Variants in TSGA10 observed in about 807,000 individuals in gnomAD.
TSGA10 encodes testis specific 10.
A neutral mutation model predicts 96.6 loss-of-function variants in TSGA10; 43 were observed. The ratio of observed to expected loss-of-function variants is 0.44; its 90% CI spans 0.35 to 0.57. The LOEUF is 0.57. Ranked by LOEUF, TSGA10 falls within the 20% of genes least tolerant of loss-of-function variation. The pLI is 0.01. For missense variants in TSGA10, 703 were observed against 834.4 expected, an observed-to-expected ratio of 0.84 and a Z score of 1.94; for synonymous variants, 229 against 269.9, an observed-to-expected ratio of 0.85 and a Z score of 1.48.
intron 16 of TSGA10, among the ~76,000 whole-genome samples, chr2:99,046,768 A>T (rs1212580812): frequency 6.6e-6 from 1 of 152,214 alleles, no homozygotes; most frequent in East Asian, 1.9e-4. Context: ...CCTTCAAAAA[A>T]TCAATGAATC....
chr2:99,098,169 G>T (rs932852217), intron 10 of TSGA10, among the ~76,000 whole-genome samples: 1 of 152,062 alleles, frequency 6.6e-6, no homozygotes, highest in East Asian at 1.9e-4. Flanking sequence ...CGGGCACGGT[G>T]GCTCACACCT....
In TSGA10 at chr2:99,024,775, G is replaced by A. The variant is rs1044915090; in HGVS notation, c.1615-4293C>T. On this transcript the variant is annotated intron_variant, in intron 17 of 20. Transcript: ENST00000393483. ...CACCACTAAGTACAGTGTTTGCTGTGGGTTTTTCACAGGTGCCCTTTATGA... is the reference window on the plus strand; with the variant it reads ...CACCACTAAGTACAGTGTTTGCTGTAGGTTTTTCACAGGTGCCCTTTATGA... Among the ~76,000 whole-genome samples the A allele has an allele frequency of 7.2e-5, 11 of 152,214 alleles. No individual in the cohort carries two copies. In the South Asian group the frequency reaches 1.4e-3, roughly 20 times the overall value.
rs910358252 is a variant in TSGA10 at position 99,020,080 on chromosome 2, G to C, written c.1817+200C>G. ...ATCATACTCAAAACTCTGTTGGAAA[G>C]AATCAGTAGAGATCATTAAACTTAA... On this transcript the variant is annotated intron_variant, in intron 18 of 20. Coordinates refer to ENST00000393483, the MANE Select transcript of TSGA10 (RefSeq NM_025244.4). 3.9e-5 allele frequency among the ~76,000 whole-genome samples: 6 copies of C among 152,214 alleles called. No individual in the cohort carries two copies. In the South Asian group the frequency reaches 1.2e-3, roughly 32 times the overall value.
chr2:99,060,298 T>C (rs192493816), intron 16 of TSGA10, among the ~76,000 whole-genome samples: 344 of 152,262 alleles, frequency 2.3e-3, no homozygotes, highest in Admixed American at 7.0e-3. Context: ...TAAAATATCA[T>C]TTTTACAATG....
chr2:99,085,208 C>T (rs2088104724), intron 10 of TSGA10, among the ~76,000 whole-genome samples: 1 of 152,016 alleles, frequency 6.6e-6, no homozygotes, highest in African/African-American at 2.4e-5. Context: ...GATCGCACCA[C>T]TGCACTCCAG....
At chr2:99,048,370 C>CAT (rs906431926) in intron 16 of TSGA10, among the ~76,000 whole-genome samples, 9 of 152,012 alleles carry the variant, frequency 5.9e-5, no homozygotes, top group South Asian at 2.1e-4. Context: ...GGTACCAAAA[C>CAT]ATATATATAT....
At chr2:99,080,036 C>A (rs991906621) in intron 11 of TSGA10, among the ~76,000 whole-genome samples, 1 of 152,180 alleles carries the variant, frequency 6.6e-6, no homozygotes, top group African/African-American at 2.4e-5. Context: ...GCTCTAGTAT[C>A]TCCTAGCTTA....
At chr2:99,091,692 T>C (rs766703872) in intron 10 of TSGA10, among the ~76,000 whole-genome samples, 2 of 151,890 alleles carry the variant, frequency 1.3e-5, no homozygotes, top group African/African-American at 2.4e-5. Flanking sequence ...ACAACAGCAG[T>C]TGAAAAAGAC....
At chr2:99,127,227 C>T (rs2092874611) in intron 1 of TSGA10, 51 bp from the exon 2 acceptor site, 1 of 1,162,776 alleles carries the variant, frequency 8.6e-7, no homozygotes, top group Non-Finnish European at 1.1e-6. Flanking sequence ...TAAAACAGCT[C>T]TGTGATTTCT....
intron 14 of TSGA10, among the ~76,000 whole-genome samples, chr2:99,069,635 C>CAATAAATAAATAAATA (rs3069288): frequency 0.024 from 3,565 of 145,846 alleles, 69 homozygotes; most frequent in Middle Eastern, 0.059. Flanking sequence ...CCCAACTCTA[C>CAATAAATAAATAAATA]AATAAATAAA....
chr2:99,064,814 G>T, intron 16 of TSGA10, 125 bp downstream of exon 16: 1 of 729,116 alleles, frequency 1.4e-6, no homozygotes, highest in Non-Finnish European at 2.1e-6. Context: ...TGGTTAGCAT[G>T]CTACAATTCA....
At chr2:99,123,040 T>G (rs372358774) in intron 2 of TSGA10, among the ~76,000 whole-genome samples, 144 of 152,308 alleles carry the variant, frequency 9.5e-4, no homozygotes, top group African/African-American at 3.3e-3. Context: ...AATTCTGAGT[T>G]GACAGGTTTG....
chr2:99,005,173 C>A (rs1339070183), intron 20 of TSGA10, among the ~76,000 whole-genome samples: 2 of 152,132 alleles, frequency 1.3e-5, no homozygotes, highest in African/African-American at 4.8e-5. Flanking sequence ...ATGACAAACC[C>A]ACAGCCAGTA....
chr2:99,124,188 T>C (rs1250402332), intron 2 of TSGA10, among the ~76,000 whole-genome samples: 1 of 152,234 alleles, frequency 6.6e-6, no homozygotes, highest in Non-Finnish European at 1.5e-5. Context: ...TGGTATCTCA[T>C]GGTTTTGATT....
Position 99,105,604 on chromosome 2 carries a change from C to T in TSGA10, c.304G>A (p.Glu102Lys). 6.2e-7 allele frequency: 1 copy of T among 1,610,892 alleles called. No homozygotes were observed. The highest frequency in any genetic ancestry group is 8.5e-7 in the Non-Finnish European group (1 of 1,177,242). ...TTAHAILRRVETERDVAFTDL... is the reference protein window; with the variant it reads ...TTAHAILRRVKTERDVAFTDL... ...GTAAAGGCTACATCTCTTTCAGTCT[C>T]CACTCGCCGGAGAATAGCATGTGCC... is the stretch of plus-strand genomic sequence containing the variant. The change falls in exon 8 of 21, where the codon GAG becomes AAG. Residue 102 changes from glutamate to lysine, a missense_variant. Physicochemically the swap from Glu to Lys is moderately conservative, Grantham distance 56. Coordinates refer to ENST00000393483, the MANE Select transcript of TSGA10 (RefSeq NM_025244.4).
chr2:98,999,011 T>C (rs1361475367), intron 20 of TSGA10, among the ~76,000 whole-genome samples: 1 of 152,122 alleles, frequency 6.6e-6, no homozygotes, highest in Non-Finnish European at 1.5e-5. Context: ...ATCTCATGCC[T>C]CAGCCGCCTG....
At chr2:99,059,076 ATTTT>A (rs1259424422) in intron 16 of TSGA10, among the ~76,000 whole-genome samples, 7 of 109,636 alleles carry the variant, frequency 6.4e-5, no homozygotes, top group African/African-American at 3.2e-4. Flanking sequence ...ATATTTATAT[ATTTT>A]TATATATATA....
intron 1 of TSGA10, among the ~76,000 whole-genome samples, chr2:99,153,574 A>C (rs1313142245): frequency 6.6e-6 from 1 of 152,228 alleles, no homozygotes; most frequent in Non-Finnish European, 1.5e-5. Flanking sequence ...AGGAAAAAAA[A>C]CCAAAGTTGT....
chr2:99,110,000 T>A (rs1162176117), intron 5 of TSGA10, among the ~76,000 whole-genome samples: 4 of 151,818 alleles, frequency 2.6e-5, no homozygotes, highest in Non-Finnish European at 5.9e-5. Context: ...CTGTCTCTAC[T>A]AAAAATACAA....
Sources: allele counts gnomAD v4.1 joint callset (sites outside exome capture counted in the v4.1 genomes callset), GRCh38; gene constraint gnomAD v4.1.1; transcripts MANE v1.5; gene names NCBI Gene and HGNC (gene_info 2026-07-23, HGNC 2026-07-21).